The following SYNPR variants were observed in gnomAD, a reference collection of about 807,000 sequenced individuals.
SYNPR encodes synaptoporin.
SYNPR carries 23 observed loss-of-function variants against 32.9 expected under a neutral mutation model. The ratio of observed to expected loss-of-function variants is 0.70; its 90% confidence interval spans 0.50 to 0.99. SYNPR has a LOEUF of 0.99. SYNPR is among the 50% of genes least tolerant of loss of function. The probability of loss-of-function intolerance (pLI) is 0.00; values close to 1 mark genes in which losing one functional copy is unlikely to be tolerated. For synonymous variants in SYNPR, 146 were observed against 135.9 expected, an observed-to-expected ratio of 1.07 and a Z score of -0.52; for missense variants, 318 against 349.3, an observed-to-expected ratio of 0.91 and a Z score of 0.71.
At chr3:63,240,429 G>C (rs1187641762) in intron 1 of SYNPR, among the ~76,000 whole-genome samples, 1 of 152,066 alleles carries the variant, frequency 6.6e-6, no homozygotes, top group African/African-American at 2.4e-5. Context: ...TCATGAGAAG[G>C]GAGAGGCTTT....
chr3:63,224,669 G>A (rs2086115627), upstream of SYNPR, among the ~76,000 whole-genome samples: 1 of 152,216 alleles, frequency 6.6e-6, no homozygotes, highest in Non-Finnish European at 1.5e-5. Context: ...AGACTATGCG[G>A]TTCCTTGAAA....
At chr3:63,206,006 C>G in the SYNPR span, among the ~76,000 whole-genome samples, 5 of 152,090 alleles carry the variant, frequency 3.3e-5, no homozygotes, top group Non-Finnish European at 7.4e-5. Flanking sequence ...TCCTCAGAAA[C>G]GATGCTGGTT....
chr3:63,350,070 C>T (rs1421698671), intron 2 of SYNPR, among the ~76,000 whole-genome samples: 1 of 152,096 alleles, frequency 6.6e-6, no homozygotes, highest in Non-Finnish European at 1.5e-5. Flanking sequence ...GCTAACATAT[C>T]ATGATCTTAC....
At chr3:63,541,786 A>C (rs1280335543) in intron 3 of SYNPR, among the ~76,000 whole-genome samples, 1 of 152,156 alleles carries the variant, frequency 6.6e-6, no homozygotes, top group Non-Finnish European at 1.5e-5. Context: ...TAGAAAAAGC[A>C]AAACTAAAAT....
At chr3:63,583,710 T>C (rs1351790832) in intron 4 of SYNPR, among the ~76,000 whole-genome samples, 2 of 152,122 alleles carry the variant, frequency 1.3e-5, no homozygotes, top group South Asian at 2.1e-4. Flanking sequence ...GAAGGAATAA[T>C]GTTTTACGTA....
the SYNPR span, among the ~76,000 whole-genome samples, chr3:63,219,680 G>A: frequency 2.6e-5 from 4 of 152,042 alleles, no homozygotes; most frequent in South Asian, 8.3e-4. Context: ...GTAAGCTAGA[G>A]AAAAGAAAAT....
At chr3:63,273,274 G>A (rs1008087575) in intron 3 of SYNPR, among the ~76,000 whole-genome samples, 5 of 152,158 alleles carry the variant, frequency 3.3e-5, no homozygotes, top group African/African-American at 1.2e-4. Flanking sequence ...TACGGGAGTA[G>A]GAGGAAAATC....
upstream of SYNPR, among the ~76,000 whole-genome samples, chr3:63,226,637 G>A (rs910661742): frequency 1.3e-5 from 2 of 152,082 alleles, no homozygotes; most frequent in African/African-American, 2.4e-5. Flanking sequence ...ACTCATATGT[G>A]GGAGATAAAA....
intron 2 of SYNPR, among the ~76,000 whole-genome samples, chr3:63,439,618 C>G (rs766713826): frequency 6.6e-6 from 1 of 152,164 alleles, no homozygotes; most frequent in African/African-American, 2.4e-5. Context: ...TCTAAAAAAG[C>G]AACTGATCAA....
intron 2 of SYNPR, among the ~76,000 whole-genome samples, chr3:63,430,750 A>G (rs532135805): frequency 1.3e-4 from 20 of 152,200 alleles, no homozygotes; most frequent in African/African-American, 4.8e-4. Context: ...TATTTGTTGG[A>G]TTTTTGCTTA....
intron 1 of SYNPR, among the ~76,000 whole-genome samples, chr3:63,233,081 C>G (rs1173909593): frequency 6.6e-6 from 1 of 152,134 alleles, no homozygotes; most frequent in African/African-American, 2.4e-5. Context: ...AAATTTTAAT[C>G]ATCTCAAAAT....
In SYNPR at chr3:63,300,601, C is replaced by A. The variant is rs78495814; in HGVS notation, c.84+21859C>A. Among the ~76,000 whole-genome samples the A allele has an allele frequency of 8.3e-3, 1,267 of 152,170 alleles. 24 individuals are homozygous for A. The highest frequency in any genetic ancestry group is 0.028 in the African/African-American group (1,145 of 41,524). Reference sequence around the variant, plus strand: ...CCCTGCTCTAGAGAATTGCCTTTGGCTGAATGAAACCACCTCACCCCAAGC... The same window carrying A: ...CCCTGCTCTAGAGAATTGCCTTTGGATGAATGAAACCACCTCACCCCAAGC... On this transcript the variant is annotated intron_variant, in intron 2 of 5. Transcript: ENST00000478300.
At position 63,607,991 on chromosome 3, in the gene SYNPR, C is replaced by T. The variant is rs80117098; in HGVS notation, c.409-1134C>T. Among the ~76,000 whole-genome samples, 390 of 152,272 alleles carry T rather than the reference C, an allele frequency of 2.6e-3. 17 individuals are homozygous for T. In the East Asian group the frequency reaches 0.07, roughly 27 times the overall value. On this transcript the variant is annotated intron_variant, in intron 4 of 5. Transcript: ENST00000478300. ...TTATTATTAAGAACAAAAGGGCAAA[C>T]TGTTTCTGTTGGCATATCAAATATA...
intron 2 of SYNPR, among the ~76,000 whole-genome samples, chr3:63,452,688 C>T (rs144191542): frequency 2.0e-5 from 3 of 152,188 alleles, no homozygotes; most frequent in East Asian, 1.9e-4. Context: ...GAAAATGAGA[C>T]GTAGAGAGCC....
At chr3:63,225,269 T>C (rs1409835012), upstream of SYNPR, among the ~76,000 whole-genome samples, 1 of 152,214 alleles carries the variant, frequency 6.6e-6, no homozygotes. Flanking sequence ...ACTTGGAGGA[T>C]GGTCTCTGAG....
chr3:63,297,231 C>G (rs2086798473), intron 2 of SYNPR, among the ~76,000 whole-genome samples: 1 of 152,180 alleles, frequency 6.6e-6, no homozygotes, highest in African/African-American at 2.4e-5. Flanking sequence ...CAACACATCA[C>G]ACAACATTGG....
intron 3 of SYNPR, among the ~76,000 whole-genome samples, chr3:63,532,029 G>A (rs940495952): frequency 1.3e-5 from 2 of 152,152 alleles, no homozygotes; most frequent in African/African-American, 2.4e-5. Flanking sequence ...AATGACTTAC[G>A]ATATCTTTCT....
chr3:63,460,207 A>G (rs1700556128), intron 2 of SYNPR, among the ~76,000 whole-genome samples: 1 of 152,100 alleles, frequency 6.6e-6, no homozygotes, highest in Admixed American at 6.6e-5. Flanking sequence ...AAAACCCTGC[A>G]GCATCTAGCC....
intron 2 of SYNPR, among the ~76,000 whole-genome samples, chr3:63,360,066 T>C (rs1039605139): frequency 6.6e-6 from 1 of 152,182 alleles, no homozygotes; most frequent in African/African-American, 2.4e-5. Flanking sequence ...TGCATCAAAC[T>C]TCTGTGTGAC....
Sources: allele counts gnomAD v4.1 joint callset (sites outside exome capture counted in the v4.1 genomes callset), GRCh38; gene constraint gnomAD v4.1.1; transcripts MANE v1.5; gene names NCBI Gene and HGNC (gene_info 2026-07-23, HGNC 2026-07-21).